Variants in ZNF705A observed in about 807,000 individuals in gnomAD.
ZNF705A encodes the protein zinc finger protein 705A.
ZNF705A carries 8 observed loss-of-function variants against 16.6 expected under a neutral mutation model. The ratio of observed to expected loss-of-function variants is 0.48; its 90% CI spans 0.28 to 0.87. The LOEUF is 0.87. Ranked by LOEUF, ZNF705A falls within the 40% of genes least tolerant of loss-of-function variation. The pLI is 0.10. For synonymous variants in ZNF705A, 73 were observed against 117.3 expected (o/e 0.62, Z 2.44); for missense variants, 233 against 359.9 (o/e 0.65, Z 2.85).
chr12:8,160,464 T>C (rs374898791), intron 1 of ZNF705A, among the ~76,000 whole-genome samples: 3 of 152,172 alleles, frequency 2.0e-5, no homozygotes, highest in African/African-American at 7.2e-5. Flanking sequence ...GCATGGGATG[T>C]GTTTCCATTT....
rs754963485 is a variant in ZNF705A at position 8,174,323 on chromosome 12, T to A, written c.13-3T>A. The A allele has an allele frequency of 1.6e-5, 26 of 1,595,186 alleles. No homozygotes were observed. The African/African-American group carries it at 2.0e-4, about 12-fold the overall frequency. On this transcript the variant is annotated splice_polypyrimidine_tract_variant and splice_region_variant and intron_variant, in intron 1 of 4. Transcript: ENST00000359286. ...CTAAACTAAAATGTCTGTGATGTTT[T>A]AGAAGAAAGTGACTTTTGAAGATGT...
At chr12:8,165,514 C>T (rs1420795222) in intron 1 of ZNF705A, among the ~76,000 whole-genome samples, 1 of 138,936 alleles carries the variant, frequency 7.2e-6, no homozygotes, top group East Asian at 2.1e-4. Context: ...CAGATCTTTG[C>T]CCATTTAAAA....
At chr12:8,167,439 CTT>C (rs1448006294) in intron 1 of ZNF705A, among the ~76,000 whole-genome samples, 1 of 152,074 alleles carries the variant, frequency 6.6e-6, no homozygotes, top group African/African-American at 2.4e-5. Flanking sequence ...GGGCATGTCT[CTT>C]GGAATGTAGT....
At chr12:8,161,008 G>A (rs187201072) in intron 1 of ZNF705A, among the ~76,000 whole-genome samples, 369 of 152,122 alleles carry the variant, frequency 2.4e-3, no homozygotes, top group Non-Finnish European at 3.5e-3. Flanking sequence ...CCCTGTATGC[G>A]GATTTTGCTG....
At chr12:8,158,780 C>T (rs6486850) in intron 1 of ZNF705A, among the ~76,000 whole-genome samples, 66,502 of 151,730 alleles carry the variant, frequency 0.44, 14,934 homozygotes, top group South Asian at 0.57. Context: ...ATTTCCTTTC[C>T]CTGACTACTT....
chr12:8,158,359 C>G (rs1290709150), intron 1 of ZNF705A, among the ~76,000 whole-genome samples: 1 of 152,056 alleles, frequency 6.6e-6, no homozygotes, highest in Non-Finnish European at 1.5e-5. Flanking sequence ...TTTTTCTTTT[C>G]TAGAGTTTCA....
chr12:8,177,720 C>T, exon 5 of ZNF705A: 1 of 1,349,704 alleles, frequency 7.4e-7, no homozygotes, highest in Non-Finnish European at 1.0e-6. Flanking sequence ...AGAACATATT[C>T]TGACTTTAGA....
intron 1 of ZNF705A, among the ~76,000 whole-genome samples, chr12:8,161,397 T>A (rs76279370): frequency 6.6e-6 from 1 of 152,130 alleles, no homozygotes; most frequent in Non-Finnish European, 1.5e-5. Flanking sequence ...CTTTTTTGAA[T>A]GTCTGGTAGA....
intron 1 of ZNF705A, among the ~76,000 whole-genome samples, chr12:8,161,847 G>C (rs976075129): frequency 6.6e-6 from 1 of 152,160 alleles, no homozygotes; most frequent in African/African-American, 2.4e-5. Context: ...GTAACCTGTG[G>C]ATGGCCCAAA....
upstream of ZNF705A, among the ~76,000 whole-genome samples, chr12:8,168,601 A>G (rs1291610498): frequency 6.6e-6 from 1 of 152,220 alleles, no homozygotes; most frequent in African/African-American, 2.4e-5. Context: ...CTGTAAATTA[A>G]TTATAATTAA....
At chr12:8,157,639 G>A (rs1478115498) in intron 1 of ZNF705A, among the ~76,000 whole-genome samples, 4 of 152,144 alleles carry the variant, frequency 2.6e-5, no homozygotes, top group African/African-American at 4.8e-5. Flanking sequence ...AAGGAGTATA[G>A]GGAGAAGAGA....
intron 1 of ZNF705A, among the ~76,000 whole-genome samples, chr12:8,165,960 A>G (rs1428490437): frequency 6.6e-6 from 1 of 152,228 alleles, no homozygotes; most frequent in Non-Finnish European, 1.5e-5. Flanking sequence ...ATTGCAAATA[A>G]TGCTATAATA....
chr12:8,164,952 A>G (rs1408311841), intron 1 of ZNF705A, among the ~76,000 whole-genome samples: 1 of 152,148 alleles, frequency 6.6e-6, no homozygotes, highest in Non-Finnish European at 1.5e-5. Flanking sequence ...ATTCCCACCA[A>G]CAGTGTAAAA....
chr12:8,159,479 T>C (rs114904855), intron 1 of ZNF705A, among the ~76,000 whole-genome samples: 3,096 of 152,282 alleles, frequency 0.02, 107 homozygotes, highest in African/African-American at 0.069. Flanking sequence ...TATTGTTTTT[T>C]GACTTTTTCT....
chr12:8,170,945 T>A (rs1428210638), upstream of ZNF705A, among the ~76,000 whole-genome samples: 6 of 152,038 alleles, frequency 3.9e-5, no homozygotes, highest in East Asian at 1.2e-3. Flanking sequence ...AATTCTGGAG[T>A]CCCCAGAATC....
At chr12:8,171,533 G>A (rs944514280), upstream of ZNF705A, among the ~76,000 whole-genome samples, 4 of 152,260 alleles carry the variant, frequency 2.6e-5, no homozygotes, top group Non-Finnish European at 4.4e-5. Flanking sequence ...ATCAGATTGA[G>A]CTGCTAAATT....
chr12:8,166,378 C>T (rs12307115), intron 1 of ZNF705A, among the ~76,000 whole-genome samples: 2,977 of 152,278 alleles, frequency 0.02, 106 homozygotes, highest in African/African-American at 0.069. Context: ...TCCCATAATT[C>T]CCACATGTTG....
intron 1 of ZNF705A, among the ~76,000 whole-genome samples, chr12:8,173,202 T>C (rs752928728): frequency 6.6e-6 from 1 of 152,364 alleles, no homozygotes; most frequent in African/African-American, 2.4e-5. Flanking sequence ...TAAAATATAT[T>C]TGAGCTTCTA....
intron 1 of ZNF705A, among the ~76,000 whole-genome samples, chr12:8,162,012 A>C (rs1467389971): frequency 6.6e-6 from 1 of 152,212 alleles, no homozygotes; most frequent in Non-Finnish European, 1.5e-5. Context: ...ATTTTAAAAT[A>C]TGAGGCTATC....
Sources: gnomAD v4.1 joint callset for allele counts (sites outside exome capture counted in the v4.1 genomes callset) on GRCh38, gnomAD v4.1.1 for gene constraint, MANE v1.5 for transcripts, NCBI Gene and HGNC (gene_info 2026-07-23, HGNC 2026-07-21) for gene names.